IKZF1: variants seen among roughly 807,000 people sequenced by gnomAD.
The protein encoded by IKZF1 is IKAROS family zinc finger 1.
A neutral mutation model predicts 51.7 loss-of-function variants in IKZF1; 10 were observed. That is an observed-to-expected ratio of 0.19 (90% CI 0.12 to 0.33). The LOEUF (loss-of-function observed/expected upper bound fraction) is 0.33, where lower values mean the gene tolerates loss of function less well. IKZF1 is among the 10% of genes least tolerant of loss of function. IKZF1 has a pLI of 1.00. For missense variants in IKZF1, 484 were observed against 707.5 expected (o/e 0.68, Z 3.58); for synonymous variants, 280 against 282.3 (o/e 0.99, Z 0.08).
chr7:50,358,716 G>A (rs1338214022), intron 3 of IKZF1, among the ~76,000 whole-genome samples: 1 of 152,126 alleles, frequency 6.6e-6, no homozygotes, highest in Admixed American at 6.6e-5. Flanking sequence ...CATATGCCTA[G>A]CATTTATACA....
chr7:50,382,069 A>C (rs1811993576), intron 4 of IKZF1, among the ~76,000 whole-genome samples: 1 of 152,214 alleles, frequency 6.6e-6, no homozygotes, highest in Non-Finnish European at 1.5e-5. Flanking sequence ...TAAATATAAG[A>C]ATGTAACGCT....
chr7:50,313,311 C>T (rs1355979467), intron 1 of IKZF1, among the ~76,000 whole-genome samples: 2 of 152,182 alleles, frequency 1.3e-5, no homozygotes, highest in African/African-American at 4.8e-5. Flanking sequence ...TGTATCTACT[C>T]CCTTCAATAT....
chr7:50,333,651 T>C (rs1698855263), intron 3 of IKZF1, among the ~76,000 whole-genome samples: 1 of 152,244 alleles, frequency 6.6e-6, no homozygotes, highest in Non-Finnish European at 1.5e-5. Context: ...GAGAACTGTT[T>C]GCCGAACTTC....
At chr7:50,389,814 C>G (rs79070591) in intron 6 of IKZF1, among the ~76,000 whole-genome samples, 1 of 152,082 alleles carries the variant, frequency 6.6e-6, no homozygotes, top group Non-Finnish European at 1.5e-5. Context: ...GTGCTGTACC[C>G]GGATGAGTGG....
At chr7:50,364,093 G>C (rs987952706) in intron 3 of IKZF1, among the ~76,000 whole-genome samples, 6 of 152,102 alleles carry the variant, frequency 3.9e-5, no homozygotes, top group Admixed American at 3.3e-4. Flanking sequence ...TTTACCTTTA[G>C]ACAGATTTTC....
chr7:50,384,705 C>A (rs999808747), intron 5 of IKZF1, among the ~76,000 whole-genome samples: 1 of 152,268 alleles, frequency 6.6e-6, no homozygotes, highest in East Asian at 1.9e-4. Flanking sequence ...ACTGTGCAGT[C>A]TGTCTGCCAT....
chr7:50,399,935 G>C lies in IKZF1; in HGVS notation c.868G>C (p.Asp290His), dbSNP rs748734341. ...TTCCACAGGGGACAAGGGCCTGTCC[G>C]ACACGCCCTACGACAGCAGCGCCAG... ...QKFLGDKGLS[D>H]TPYDSSASYE... is the part of the protein sequence containing the mutation. The change falls in exon 8 of 8, where the codon GAC (aspartate) becomes CAC (histidine). Residue 290 changes from aspartate to histidine, a missense_variant. Asp to His is a moderately conservative substitution (Grantham distance 81). This residue lies in a region of IKZF1 where 172 missense variants were observed against 192.7 expected (regional missense o/e 0.89). Coordinates refer to ENST00000331340, the MANE Select transcript of IKZF1 (RefSeq NM_006060.6). 6.2e-7 allele frequency: 1 copy of C among 1,612,720 alleles called. No individual in the cohort carries two copies. The highest frequency in any genetic ancestry group is 1.1e-5 in the South Asian group (1 of 90,676).
chr7:50,356,105 G>A (rs1803293275), intron 3 of IKZF1, among the ~76,000 whole-genome samples: 1 of 152,124 alleles, frequency 6.6e-6, no homozygotes, highest in African/African-American at 2.4e-5. Flanking sequence ...AAATGATGTG[G>A]GGGTCCCTAA....
At chr7:50,365,916 A>G (rs1445649051) in intron 3 of IKZF1, among the ~76,000 whole-genome samples, 1 of 152,244 alleles carries the variant, frequency 6.6e-6, no homozygotes, top group Non-Finnish European at 1.5e-5. Context: ...AATGTGGTAC[A>G]TATACCCCAT....
At chr7:50,379,558 G>C (rs1811263143) in intron 4 of IKZF1, among the ~76,000 whole-genome samples, 1 of 152,214 alleles carries the variant, frequency 6.6e-6, no homozygotes, top group African/African-American at 2.4e-5. Flanking sequence ...AGAGAGGAGA[G>C]AGGTAGGAAG....
At chr7:50,327,442 A>G (rs755412814) in intron 2 of IKZF1, 196 bp from the exon 3 acceptor site, 11 of 494,366 alleles carry the variant, frequency 2.2e-5, no homozygotes, top group African/African-American at 3.9e-5. Context: ...TTGCACATCT[A>G]TGTTCTCTCA....
At chr7:50,304,432 C>G (rs1166361797), upstream of IKZF1, 1 of 143,998 alleles carries the variant, frequency 6.9e-6, no homozygotes, top group South Asian at 2.5e-4. Flanking sequence ...CCAAAGTTTG[C>G]GGGGTGGCAG....
At chr7:50,324,407 A>C (rs187736108) in intron 2 of IKZF1, among the ~76,000 whole-genome samples, 1 of 152,004 alleles carries the variant, frequency 6.6e-6, no homozygotes, top group African/African-American at 2.4e-5. Flanking sequence ...AATATATCTC[A>C]CTTCACTACC....
Position 50,401,693 on chromosome 7 carries a change from C to T in IKZF1, c.*1066C>T, listed in dbSNP as rs1039996630. ...TGTTTGTAGCCACAAGCCTGAATTT[C>T]TCAGTGTTGGTAAGTTTCTTTACCT... On this transcript the variant is annotated 3_prime_UTR_variant, in exon 8 of 8. Transcript: ENST00000331340. The T allele has an allele frequency of 4.6e-6, 1 of 218,588 alleles. No homozygotes were observed. The highest frequency in any genetic ancestry group is 9.2e-6 in the Non-Finnish European group (1 of 108,858). The allele number at this position is 218,588 out of a possible 1,614,324, so 13.5% of individuals were successfully genotyped here.
chr7:50,350,700 T>C, intron 3 of IKZF1, among the ~76,000 whole-genome samples: 1 of 152,264 alleles, frequency 6.6e-6, no homozygotes, highest in Non-Finnish European at 1.5e-5. Context: ...CTGTTAGATT[T>C]CCCATCATTT....
chr7:50,374,567 A>G (rs1809674889), intron 3 of IKZF1, among the ~76,000 whole-genome samples: 1 of 152,198 alleles, frequency 6.6e-6, no homozygotes, highest in African/African-American at 2.4e-5. Context: ...GTGAAGGTTA[A>G]ATGGCAGAGT....
intron 4 of IKZF1, among the ~76,000 whole-genome samples, chr7:50,379,269 A>G (rs1399641572): frequency 6.6e-6 from 1 of 152,188 alleles, no homozygotes; most frequent in Non-Finnish European, 1.5e-5. Context: ...GGGAATCCCC[A>G]CTGGACAGGC....
intron 1 of IKZF1, among the ~76,000 whole-genome samples, chr7:50,307,154 A>C (rs1789006983): frequency 6.6e-6 from 1 of 152,172 alleles, no homozygotes; most frequent in Non-Finnish European, 1.5e-5. Context: ...TATAATGGTG[A>C]ATTTTAGGCA....
At chr7:50,373,850 G>A (rs1809452669) in intron 3 of IKZF1, among the ~76,000 whole-genome samples, 1 of 152,150 alleles carries the variant, frequency 6.6e-6, no homozygotes, top group Non-Finnish European at 1.5e-5. Context: ...TGCCTCGACA[G>A]CCAGCCAGCC....
Sources: gnomAD v4.1 joint callset for allele counts (sites outside exome capture counted in the v4.1 genomes callset) on GRCh38, gnomAD v4.1.1 for gene constraint, gnomAD v4.1.1 regional missense constraint, MANE v1.5 for transcripts, NCBI Gene and HGNC (gene_info 2026-07-23, HGNC 2026-07-21) for gene names.